The following SCAP variants were observed in gnomAD, a reference collection of about 807,000 sequenced individuals.
SCAP encodes the protein sterol regulatory element-binding protein cleavage-activating protein.
Under a neutral mutation model 123.6 loss-of-function variants are expected in SCAP, and 65 were observed. The observed-to-expected ratio is 0.53, with a 90% CI of 0.43 to 0.65. SCAP has a LOEUF of 0.65. Among genes scored for constraint, SCAP ranks in the 30% least tolerant of loss-of-function variants. SCAP has a pLI of 0.00. For synonymous variants in SCAP, 740 were observed against 726.3 expected (o/e 1.02, Z -0.30); for missense variants, 1,398 against 1,712.5 (o/e 0.82, Z 3.24).
intron 1 of SCAP, among the ~76,000 whole-genome samples, chr3:47,475,244 G>A (rs1708221340): frequency 6.6e-6 from 1 of 151,974 alleles, no homozygotes; most frequent in African/African-American, 2.4e-5. Context: ...TAACGCTATC[G>A]TGACATTATA....
intron 2 of SCAP, among the ~76,000 whole-genome samples, chr3:47,438,452 T>G (rs1706670502): frequency 6.6e-6 from 1 of 152,222 alleles, no homozygotes; most frequent in African/African-American, 2.4e-5. Context: ...CATTTAGGGC[T>G]GCTCTGCCTA....
chr3:47,447,533 C>T (rs550676601), intron 1 of SCAP, among the ~76,000 whole-genome samples: 1 of 151,466 alleles, frequency 6.6e-6, no homozygotes, highest in South Asian at 2.1e-4. Flanking sequence ...ACTAAAAATA[C>T]CAAAATTGGC....
At position 47,418,532 on chromosome 3, in the gene SCAP, A is replaced by T; in HGVS notation, c.2130-10T>A. 1.3e-6 allele frequency: 2 copies of T among 1,580,858 alleles called. No homozygotes were observed. The highest frequency in any genetic ancestry group is 1.7e-6 in the Non-Finnish European group (2 of 1,164,150). On this transcript the variant is annotated splice_polypyrimidine_tract_variant and intron_variant, in intron 14 of 22. Transcript: ENST00000265565. ...GCCCAGCGCCGCCACCCTGCACGGGAGGGCGGACTGCTGTGAGACACACCT... is the reference window on the plus strand; with the variant it reads ...GCCCAGCGCCGCCACCCTGCACGGGTGGGCGGACTGCTGTGAGACACACCT...
chr3:47,433,241 T>C (rs1175657075), intron 3 of SCAP, among the ~76,000 whole-genome samples: 3 of 152,204 alleles, frequency 2.0e-5, no homozygotes, highest in Non-Finnish European at 4.4e-5. Context: ...CGCTGGCCTG[T>C]ATCTTTATCA....
In SCAP at chr3:47,417,101, G is replaced by A. The variant is rs756948514; in HGVS notation, c.3056+21C>T. 4 of 1,609,662 alleles carry A rather than the reference G, an allele frequency of 2.5e-6. No individual in the cohort carries two copies. The South Asian group carries it at 3.3e-5, about 13-fold the overall frequency. On this transcript the variant is annotated intron_variant, in intron 18 of 22. Transcript: ENST00000265565. ...CCAACAAAGGCTGGGGACATCTGGG[G>A]CTGAGGCAGGCCACGCTCACCTTTT...
chr3:47,445,411 T>A (rs1046722245), intron 1 of SCAP, among the ~76,000 whole-genome samples: 2 of 151,856 alleles, frequency 1.3e-5, no homozygotes, highest in Admixed American at 6.6e-5. Context: ...TACGCCCAGC[T>A]ATTTTTTCGT....
intron 1 of SCAP, among the ~76,000 whole-genome samples, chr3:47,473,248 G>A (rs1185528823): frequency 6.6e-6 from 1 of 151,876 alleles, no homozygotes; most frequent in African/African-American, 2.4e-5. Context: ...CCGTAAAGGG[G>A]GTGATAACAG....
Position 47,413,889 on chromosome 3 carries a change from C to G in SCAP, c.3805G>C (p.Val1269Leu), listed in dbSNP as rs1471214773. The change falls in exon 23 of 23, where the codon GTG becomes CTG. Residue 1269 changes from valine (V) to leucine (L), a missense_variant. Physicochemically the swap from Val to Leu is conservative, Grantham distance 32. Coordinates refer to ENST00000265565, the MANE Select transcript of SCAP (RefSeq NM_012235.4). ...TTCTCCAGCACAGAGGGCACATACA[C>G]CAGGCTGAGCTCACTGCCAAAGTTG... ...VCNFGSELSL[V>L]YVPSVLEKLD is the part of the protein sequence containing the mutation. 1 of 1,613,128 alleles carries G rather than the reference C, an allele frequency of 6.2e-7. No individual in the cohort carries two copies. Among genetic ancestry groups the G allele is most frequent in the African/African-American group, 1.3e-5 (1 of 75,046 alleles).
chr3:47,430,508 G>A (rs1265339705), intron 3 of SCAP, among the ~76,000 whole-genome samples: 1 of 152,166 alleles, frequency 6.6e-6, no homozygotes, highest in East Asian at 1.9e-4. Context: ...GAGTTGCAAG[G>A]GATGCTGAGA....
In SCAP at chr3:47,427,484, G is replaced by A. The variant is rs766972801; in HGVS notation, c.594C>T (p.His198=). Residue 198 remains histidine, a synonymous_variant, in exon 5 of 23, where the codon CAC becomes CAT. Transcript: ENST00000265565. ...DPDIIGTIHQ[H]EPKTLQTSAT... is the part of the protein sequence containing the mutation. ...CTGAAGTCTGCAGGGTTTTAGGCTC[G>A]TGCTGGTGGATGGTCCCAATGATGT... 1.2e-5 allele frequency: 19 copies of A among 1,614,222 alleles called. No individual in the cohort carries two copies. The highest frequency in any genetic ancestry group is 3.3e-4 in the Middle Eastern group (2 of 6,062).
chr3:47,463,437 C>T (rs553277374), intron 1 of SCAP, among the ~76,000 whole-genome samples: 1 of 152,292 alleles, frequency 6.6e-6, no homozygotes, highest in Admixed American at 6.5e-5. Flanking sequence ...TGCGGTGGCT[C>T]GTGCCTGTAA....
intron 1 of SCAP, among the ~76,000 whole-genome samples, chr3:47,465,497 T>TG (rs1707788833): frequency 6.6e-6 from 1 of 152,194 alleles, no homozygotes; most frequent in East Asian, 1.9e-4. Context: ...CCAGGCACGG[T>TG]GGCCCATGCC....
At position 47,425,992 on chromosome 3, in the gene SCAP, C is replaced by A. The variant is rs1162665609; in HGVS notation, c.910+5G>T. On this transcript the variant is annotated splice_donor_5th_base_variant and intron_variant, in intron 7 of 22. Coordinates refer to ENST00000265565, the MANE Select transcript of SCAP (RefSeq NM_012235.4). ...AAGCCCTCAGCCTCCCTGCCATGAA[C>A]CTACGCGTGGAGAAGTAGATGTAGG... 1 of 1,613,930 alleles carries A rather than the reference C, an allele frequency of 6.2e-7. No homozygotes were observed. Among genetic ancestry groups the A allele is most frequent in the Non-Finnish European group, 8.5e-7 (1 of 1,179,994 alleles).
At chr3:47,466,621 T>C (rs769504120) in intron 1 of SCAP, among the ~76,000 whole-genome samples, 1 of 152,082 alleles carries the variant, frequency 6.6e-6, no homozygotes, top group African/African-American at 2.4e-5. Flanking sequence ...TGGACTCTTA[T>C]ACACAAAAAT....
At position 47,417,595 on chromosome 3, in the gene SCAP, G is replaced by T; in HGVS notation, c.2679C>A (p.Pro893=). 6.3e-7 allele frequency: 1 copy of T among 1,598,904 alleles called. No individual in the cohort carries two copies. ...AQPRSSQPTQ[P]EPRHRAVCGR... The stretch of plus-strand genomic sequence containing the variant: ...CACAGACCGCCCGGTGCCGGGGCTC[G>T]GGCTGAGTGGGCTGTGAGGACCGAG... The change falls in exon 17 of 23, where the codon CCC becomes CCA. Residue 893 remains proline (P), a synonymous_variant. Transcript: ENST00000265565.
intron 3 of SCAP, among the ~76,000 whole-genome samples, chr3:47,430,031 T>A (rs1706294698): frequency 1.3e-5 from 2 of 152,218 alleles, no homozygotes; most frequent in African/African-American, 4.8e-5. Flanking sequence ...AATTTCCTCA[T>A]TGTGAAACAG....
At position 47,435,104 on chromosome 3, in the gene SCAP, T is replaced by C. The variant is rs773419270; in HGVS notation, c.156A>G (p.Thr52=). 2 of 1,613,956 alleles carry C rather than the reference T, an allele frequency of 1.2e-6. No individual in the cohort carries two copies. Among genetic ancestry groups the C allele is most frequent in the Non-Finnish European group, 1.7e-6 (2 of 1,179,952 alleles). ...CAGGGGTGGTGAATTCCACAGGTCC[T>C]GTTCCTGGCAAGGGGAGTTTCAGCA... is the stretch of plus-strand genomic sequence containing the variant. ...YPLLKLPLPG[T]GPVEFTTPVK... is the part of the protein sequence containing the mutation. The change falls in exon 3 of 23, where the codon ACA becomes ACG. Residue 52 remains threonine (T), a synonymous_variant. Transcript: ENST00000265565.
At position 47,420,451 on chromosome 3, in the gene SCAP, T is replaced by A; in HGVS notation, c.1563+103A>T. The A allele has an allele frequency of 9.3e-7, 1 of 1,077,898 alleles. No homozygotes were observed. The highest frequency in any genetic ancestry group is 1.3e-6 in the Non-Finnish European group (1 of 768,370). 66.8% of individuals were successfully genotyped at this position (1,077,898 alleles called of 1,614,324 possible). On this transcript the variant is annotated intron_variant, in intron 12 of 22. Transcript: ENST00000265565. This position sits in a 1 kb window ranked among gnomAD's most constrained non-coding sequence, Gnocchi z 5.0. Reference sequence around the variant, plus strand: ...CAGGCTTCCAGGGGCCACCAGGGCCTGAGGAATACCCTTTGCCACTCTAAG... The same window carrying A: ...CAGGCTTCCAGGGGCCACCAGGGCCAGAGGAATACCCTTTGCCACTCTAAG...
intron 10 of SCAP, 93 bp from the exon 11 acceptor site, chr3:47,421,122 CGGCAGGGCAGCAGCA>C (rs1705880084): frequency 1.1e-5 from 11 of 969,274 alleles, no homozygotes; most frequent in Middle Eastern, 2.1e-4. Context: ...ACCTCATAAC[CGGCAGGGCAGCAGCA>C]GGCAGGGCAC....
Sources: allele counts gnomAD v4.1 joint callset (sites outside exome capture counted in the v4.1 genomes callset), GRCh38; gene constraint gnomAD v4.1.1; non-coding constraint Gnocchi (gnomAD v3.1); transcripts MANE v1.5; gene names NCBI Gene and HGNC (gene_info 2026-07-23, HGNC 2026-07-21).